Variants in PCSK5 observed in about 807,000 individuals in gnomAD.
PCSK5 encodes prohormone convertase 5.
In PCSK5, 129 loss-of-function variants were observed where a neutral mutation model predicts 233.2. The ratio of observed to expected loss-of-function variants is 0.55; its 90% CI spans 0.48 to 0.64. The LOEUF is 0.64. Ranked by LOEUF, PCSK5 falls within the 30% of genes least tolerant of loss-of-function variation. PCSK5 has a pLI of 0.00. For missense variants in PCSK5, 2,076 were observed against 2,430.1 expected, an observed-to-expected ratio of 0.85 and a Z score of 3.06; for synonymous variants, 825 against 879.2, an observed-to-expected ratio of 0.94 and a Z score of 1.09.
chr9:75,926,076 C>T (rs1823473991), intron 1 of PCSK5, among the ~76,000 whole-genome samples: 1 of 152,144 alleles, frequency 6.6e-6, no homozygotes, highest in Non-Finnish European at 1.5e-5. Context: ...AGCTGGCGGA[C>T]ACATTCCAGC....
intron 5 of PCSK5, among the ~76,000 whole-genome samples, chr9:76,052,014 A>T (rs1191187728): frequency 6.6e-6 from 1 of 152,180 alleles, no homozygotes; most frequent in East Asian, 1.9e-4. Flanking sequence ...TTTTCGTAGA[A>T]ACAAGCTCAA....
chr9:76,283,396 G>A (rs1469406794), intron 24 of PCSK5, among the ~76,000 whole-genome samples: 4 of 152,106 alleles, frequency 2.6e-5, no homozygotes, highest in Admixed American at 2.0e-4. Flanking sequence ...CATCAATATC[G>A]AGGCAAGACC....
intron 1 of PCSK5, among the ~76,000 whole-genome samples, chr9:75,895,326 T>G (rs1017213656): frequency 1.7e-4 from 26 of 152,208 alleles, no homozygotes; most frequent in South Asian, 1.0e-3. Flanking sequence ...TAGTTAGGCT[T>G]GCAGCGAAAG....
intron 9 of PCSK5, among the ~76,000 whole-genome samples, chr9:76,111,711 A>G (rs1832224271): frequency 6.6e-6 from 1 of 152,202 alleles, no homozygotes; most frequent in South Asian, 2.1e-4. Flanking sequence ...CCTAACTCAA[A>G]AAGTTCAAAT....
intron 24 of PCSK5, among the ~76,000 whole-genome samples, chr9:76,263,247 A>T (rs1183124997): frequency 2.6e-5 from 4 of 152,196 alleles, no homozygotes; most frequent in Non-Finnish European, 5.9e-5. Flanking sequence ...AGAACTAGAA[A>T]TACCATTTGA....
chr9:76,175,333 A>G (rs1295463615), intron 14 of PCSK5: 1 of 579,120 alleles, frequency 1.7e-6, no homozygotes, highest in Non-Finnish European at 3.0e-6. Flanking sequence ...AATAGAATAG[A>G]ACAGAACAAT....
At position 76,050,942 on chromosome 9, in the gene PCSK5, T is replaced by C. The variant is rs114198480; in HGVS notation, c.633-17013T>C. Among the ~76,000 whole-genome samples, 700 of 152,228 alleles carry C rather than the reference T, an allele frequency of 4.6e-3. 4 individuals carry two copies. The highest frequency in any genetic ancestry group is 0.016 in the African/African-American group (670 of 41,524). On this transcript the variant is annotated intron_variant, in intron 5 of 37. Coordinates refer to ENST00000674117, the MANE Select transcript of PCSK5 (RefSeq NM_001372043.1). ...CACCACAGTTGTAAAGAATGAGCCATATGGTGGAGGGGGATATGACAGTCA... is the reference window on the plus strand; with the variant it reads ...CACCACAGTTGTAAAGAATGAGCCACATGGTGGAGGGGGATATGACAGTCA...
chr9:76,284,838 CT>C (rs1828011854), intron 24 of PCSK5, among the ~76,000 whole-genome samples: 1 of 152,056 alleles, frequency 6.6e-6, no homozygotes. Context: ...GGCCAAACCT[CT>C]TTTTCTTTTA....
chr9:76,047,573 TG>T (rs1829467536), intron 5 of PCSK5, among the ~76,000 whole-genome samples: 1 of 152,174 alleles, frequency 6.6e-6, no homozygotes, highest in African/African-American at 2.4e-5. Flanking sequence ...ATTTTGCATT[TG>T]GCAGTGACTC....
At chr9:76,153,397 A>G (rs892466765) in intron 10 of PCSK5, among the ~76,000 whole-genome samples, 2 of 152,214 alleles carry the variant, frequency 1.3e-5, no homozygotes, top group African/African-American at 2.4e-5. Context: ...GAAAAATTCT[A>G]TTTGAACTGG....
intron 20 of PCSK5, among the ~76,000 whole-genome samples, chr9:76,218,117 ACT>A (rs1825604120): frequency 6.6e-6 from 1 of 151,408 alleles, no homozygotes; most frequent in Non-Finnish European, 1.5e-5. Context: ...ACTTGATGAA[ACT>A]CTGCTGGGGA....
chr9:76,273,596 T>TATA (rs397822892), intron 24 of PCSK5, among the ~76,000 whole-genome samples: 2 of 145,148 alleles, frequency 1.4e-5, no homozygotes, highest in African/African-American at 2.5e-5. Context: ...TATATATATA[T>TATA]TTGTACTGCT....
intron 6 of PCSK5, among the ~76,000 whole-genome samples, chr9:76,069,296 A>G (rs1444316547): frequency 6.6e-6 from 1 of 152,092 alleles, no homozygotes; most frequent in Non-Finnish European, 1.5e-5. Context: ...AGCCCTTCTC[A>G]TGGTCCAGGA....
At chr9:76,171,584 G>A (rs931869537) in intron 13 of PCSK5, among the ~76,000 whole-genome samples, 12 of 152,128 alleles carry the variant, frequency 7.9e-5, no homozygotes, top group Admixed American at 2.6e-4. Context: ...CAGGGGTCAC[G>A]AATATAAATC....
intron 20 of PCSK5, among the ~76,000 whole-genome samples, chr9:76,225,261 G>C (rs1483952315): frequency 1.3e-5 from 2 of 152,138 alleles, no homozygotes; most frequent in Non-Finnish European, 2.9e-5. Flanking sequence ...TTTTTAATTT[G>C]TATGTCTCTA....
At chr9:76,091,034 G>A (rs962514225) in intron 7 of PCSK5, among the ~76,000 whole-genome samples, 4 of 152,110 alleles carry the variant, frequency 2.6e-5, no homozygotes, top group African/African-American at 4.8e-5. Context: ...GAGCTCAGGC[G>A]GTAAGAGAGT....
chr9:75,959,666 A>T (rs1183186250), intron 2 of PCSK5, among the ~76,000 whole-genome samples: 3 of 152,148 alleles, frequency 2.0e-5, no homozygotes, highest in African/African-American at 7.2e-5. Context: ...CTCGGGGCCG[A>T]CTCTGTGGCC....
At chr9:75,901,572 G>A (rs1355859534) in intron 1 of PCSK5, among the ~76,000 whole-genome samples, 2 of 151,046 alleles carry the variant, frequency 1.3e-5, no homozygotes, top group East Asian at 2.0e-4. Context: ...AACCACCATG[G>A]CACATGTATA....
At chr9:76,110,793 C>T (rs1453350990) in intron 9 of PCSK5, among the ~76,000 whole-genome samples, 1 of 152,172 alleles carries the variant, frequency 6.6e-6, no homozygotes, top group African/African-American at 2.4e-5. Context: ...CTTTTCCAAA[C>T]ATAACAAGTT....
Sources: gnomAD v4.1 joint callset for allele counts (sites outside exome capture counted in the v4.1 genomes callset) on GRCh38, gnomAD v4.1.1 for gene constraint, MANE v1.5 for transcripts, NCBI Gene and HGNC (gene_info 2026-07-23, HGNC 2026-07-21) for gene names.